Variants in BCHE observed in about 807,000 individuals in gnomAD.
BCHE encodes the protein cholinesterase.
Under a neutral mutation model 51.3 loss-of-function variants are expected in BCHE, and 48 were observed. That is an observed-to-expected ratio of 0.94 (90% CI 0.74 to 1.19). The LOEUF is 1.19. Among genes scored for constraint, BCHE ranks in the 50% most tolerant of loss-of-function variants. The pLI is 0.00. For synonymous variants in BCHE, 251 were observed against 238.0 expected, an observed-to-expected ratio of 1.05 and a Z score of -0.50; for missense variants, 847 against 708.2, an observed-to-expected ratio of 1.20 and a Z score of -2.23.
At position 165,830,365 on chromosome 3, in the gene BCHE, A is replaced by G. The variant is rs1481821851; in HGVS notation, c.669T>C (p.Phe223=). The change falls in exon 2 of 4, where the codon TTT becomes TTC. Residue 223 remains phenylalanine, a synonymous_variant. Coordinates refer to ENST00000264381, the MANE Select transcript of BCHE (RefSeq NM_000055.4). The part of the protein sequence containing the change: ...FGGNPKSVTL[F]GESAGAASVS... ...CTGAAGCTGCTCCTGCACTTTCTCC[A>G]AAGAGAGTTACACTTTTAGGATTTC... 1.2e-6 allele frequency: 2 copies of G among 1,613,996 alleles called. No individual in the cohort carries two copies.
At chr3:165,786,430 A>T in intron 2 of BCHE, 119 bp from the exon 3 acceptor site, 1 of 938,712 alleles carries the variant, frequency 1.1e-6, no homozygotes, top group Non-Finnish European at 1.6e-6. Context: ...AAAAATGTGG[A>T]TATATATTGA....
intron 2 of BCHE, among the ~76,000 whole-genome samples, chr3:165,805,825 G>A (rs1171498552): frequency 6.6e-6 from 1 of 152,028 alleles, no homozygotes; most frequent in Admixed American, 6.6e-5. Flanking sequence ...AAATGGCCCT[G>A]GATATTGCTA....
chr3:165,777,515 TTATC>T (rs1457253462), intron 3 of BCHE, among the ~76,000 whole-genome samples: 1 of 152,126 alleles, frequency 6.6e-6, no homozygotes, highest in African/African-American at 2.4e-5. Context: ...ACTAAAAAGA[TTATC>T]TAATACTTAA....
intron 2 of BCHE, among the ~76,000 whole-genome samples, chr3:165,791,538 A>C (rs1002674002): frequency 2.0e-5 from 3 of 152,224 alleles, no homozygotes; most frequent in Non-Finnish European, 4.4e-5. Context: ...TTAGATATAA[A>C]GAGGAAAGGA....
chr3:165,824,384 C>A (rs1714642908), intron 2 of BCHE, among the ~76,000 whole-genome samples: 1 of 151,874 alleles, frequency 6.6e-6, no homozygotes, highest in Non-Finnish European at 1.5e-5. Flanking sequence ...ATAATAAAGA[C>A]TCTCAAGAAA....
chr3:165,787,912 CT>C (rs1298211360), intron 2 of BCHE, among the ~76,000 whole-genome samples: 2 of 151,916 alleles, frequency 1.3e-5, no homozygotes, highest in Admixed American at 1.3e-4. Context: ...GTTTTTCAGC[CT>C]TTTCTAACAT....
intron 2 of BCHE, 135 bp downstream of exon 2, chr3:165,829,382 C>T (rs1344258803): frequency 6.2e-6 from 5 of 806,746 alleles, no homozygotes; most frequent in Non-Finnish European, 1.0e-5. Context: ...AAAATAAAAC[C>T]AGCTTTGGTA....
intron 2 of BCHE, among the ~76,000 whole-genome samples, chr3:165,791,811 A>T (rs1713178996): frequency 6.6e-6 from 1 of 151,510 alleles, no homozygotes; most frequent in Admixed American, 6.6e-5. Flanking sequence ...AAATTACCCG[A>T]TATGATCATG....
intron 3 of BCHE, chr3:165,777,900 A>G (rs998081110): frequency 6.6e-6 from 2 of 301,448 alleles, no homozygotes; most frequent in Non-Finnish European, 1.4e-5. Context: ...TTTTCTTTAC[A>G]CTAGCTTACT....
At chr3:165,780,567 A>C (rs1424636081) in intron 3 of BCHE, among the ~76,000 whole-genome samples, 1 of 152,212 alleles carries the variant, frequency 6.6e-6, no homozygotes, top group African/African-American at 2.4e-5. Flanking sequence ...TTTATAAGAG[A>C]AAAGCAAACA....
At chr3:165,792,550 G>A (rs1379489709) in intron 2 of BCHE, among the ~76,000 whole-genome samples, 2 of 152,016 alleles carry the variant, frequency 1.3e-5, no homozygotes, top group Non-Finnish European at 2.9e-5. Flanking sequence ...AAGAATTATT[G>A]AAAAACAAGA....
chr3:165,778,394 A>G (rs1216069004), intron 3 of BCHE: 2 of 170,140 alleles, frequency 1.2e-5, no homozygotes, highest in African/African-American at 4.7e-5. Flanking sequence ...AGACAAAGGT[A>G]AAAAAGAATA....
intron 2 of BCHE, among the ~76,000 whole-genome samples, chr3:165,791,879 C>T (rs1341476009): frequency 6.6e-6 from 1 of 151,954 alleles, no homozygotes. Context: ...ACCTGGGAGA[C>T]AGAGGTTGCA....
At chr3:165,789,175 A>G (rs968901911) in intron 2 of BCHE, among the ~76,000 whole-genome samples, 1 of 152,164 alleles carries the variant, frequency 6.6e-6, no homozygotes, top group Non-Finnish European at 1.5e-5. Context: ...TATGTGTTCT[A>G]TTCTTAGTAT....
At chr3:165,791,988 T>TAAAATAAAATAAAATAAAATAAAAC (rs372410356) in intron 2 of BCHE, among the ~76,000 whole-genome samples, 273 of 151,504 alleles carry the variant, frequency 1.8e-3, no homozygotes, top group African/African-American at 6.1e-3. Context: ...TAAAATAAAA[T>TAAAATAAAATAAAATAAAATAAAAC]AAAGAGTTCA....
chr3:165,830,503 A>G lies in BCHE; in HGVS notation c.531T>C (p.Gly177=), dbSNP rs766808993. 1 of 1,613,958 alleles carries G rather than the reference A, an allele frequency of 6.2e-7. No individual in the cohort carries two copies. Among genetic ancestry groups the G allele is most frequent in the Admixed American group, 1.7e-5 (1 of 59,958 alleles). ...CTGGCAAAGCTAAGAATCCTAGGGC[A>G]CCCACCCTATAGTTCATTGACACTA... The part of the protein sequence containing the change: ...VIVVSMNYRV[G]ALGFLALPGN... Residue 177 remains glycine (G), a synonymous_variant, in exon 2 of 4, where the codon GGT becomes GGC. Transcript: ENST00000264381.
In BCHE at chr3:165,830,214, A is replaced by C. The variant is rs1310350585; in HGVS notation, c.820T>G (p.Leu274Val). The C allele has an allele frequency of 6.2e-7, 1 of 1,613,902 alleles. No individual in the cohort carries two copies. Among genetic ancestry groups the C allele is most frequent in the Non-Finnish European group, 8.5e-7 (1 of 1,179,936 alleles). The part of the protein sequence containing the change: ...LYEARNRTLN[L>V]AKLTGCSREN... ...CTAGAGCAACCAGTCAATTTAGCTA[A>C]GTTCAACGTTCTGTTCCTAGCTTCA... The change falls in exon 2 of 4, where the codon TTA becomes GTA. Residue 274 changes from leucine (L) to valine (V), a missense_variant. By Grantham distance (32) the Leu-to-Val change is conservative. Transcript: ENST00000264381.
chr3:165,781,573 A>G (rs1164966701), intron 3 of BCHE, among the ~76,000 whole-genome samples: 1 of 151,696 alleles, frequency 6.6e-6, no homozygotes, highest in Non-Finnish European at 1.5e-5. Flanking sequence ...GGGGAACAGT[A>G]CACACTGGGG....
chr3:165,796,900 T>C (rs971029803), intron 2 of BCHE, among the ~76,000 whole-genome samples: 1 of 152,090 alleles, frequency 6.6e-6, no homozygotes, highest in Non-Finnish European at 1.5e-5. Context: ...TTTAGTACAC[T>C]GTTGGTATGA....
Sources: gnomAD v4.1 joint callset for allele counts (sites outside exome capture counted in the v4.1 genomes callset) on GRCh38, gnomAD v4.1.1 for gene constraint, MANE v1.5 for transcripts, NCBI Gene and HGNC (gene_info 2026-07-23, HGNC 2026-07-21) for gene names.